The following C1orf94 variants were observed in gnomAD, a reference collection of about 807,000 sequenced individuals.
C1orf94 encodes the protein uncharacterized protein C1orf94.
C1orf94 carries 45 observed loss-of-function variants against 53.6 expected under a neutral mutation model. That is an observed-to-expected ratio of 0.84 (90% CI 0.66 to 1.08). The LOEUF is 1.08. C1orf94 is among the 50% of genes least tolerant of loss of function. The pLI is 0.00. For synonymous variants in C1orf94, 304 were observed against 296.1 expected (o/e 1.03, Z -0.27); for missense variants, 762 against 738.9 (o/e 1.03, Z -0.36).
chr1:34,177,428 G>C lies in C1orf94; in HGVS notation c.-362G>C, dbSNP rs865806793. Among the ~76,000 whole-genome samples, 2 of 152,278 alleles carry C rather than the reference G, an allele frequency of 1.3e-5. No homozygotes were observed. Among genetic ancestry groups the C allele is most frequent in the Middle Eastern group, 3.4e-3 (1 of 294 alleles). Reference sequence around the variant, plus strand: ...AAAGTTGTCACGGCGGCGTCGCAAGGGGGCAGTGCCAGGGACTGTGGGGAG... The same window carrying C: ...AAAGTTGTCACGGCGGCGTCGCAAGCGGGCAGTGCCAGGGACTGTGGGGAG... On this transcript the variant is annotated 5_prime_UTR_variant, in exon 1 of 7. Coordinates refer to ENST00000488417, the MANE Select transcript of C1orf94 (RefSeq NM_001134734.2).
rs202207825 is a variant in C1orf94, at chr1:34,197,544, G to A, written c.640G>A (p.Ala214Thr). The A allele has an allele frequency of 4.3e-5, 70 of 1,613,950 alleles. No homozygotes were observed. The highest frequency in any genetic ancestry group is 1.6e-4 in the Middle Eastern group (1 of 6,084). Residue 214 changes from alanine to threonine, a missense_variant, in exon 2 of 7, where the codon GCC (alanine) becomes ACC (threonine). Ala to Thr is a moderately conservative substitution (Grantham distance 58). Transcript: ENST00000488417. The surrounding 1 kb of genome is among the most constrained non-coding windows in gnomAD (Gnocchi z 4.1). ...TSTVTDILCA[A>T]EVKSSKGTED... ...TACTGTCACAGACATTCTGTGTGCC[G>A]CCGAGGTCAAGAGCAGCAAGGGGAC... is the stretch of plus-strand genomic sequence containing the variant.
intron 2 of C1orf94, among the ~76,000 whole-genome samples, chr1:34,200,042 T>G (rs567028550): frequency 6.6e-6 from 1 of 152,326 alleles, no homozygotes; most frequent in East Asian, 1.9e-4. Context: ...ATGTCTCTCT[T>G]TTTTTCTTGT....
chr1:34,211,971 A>G (rs1331014979), intron 5 of C1orf94, among the ~76,000 whole-genome samples: 1 of 152,110 alleles, frequency 6.6e-6, no homozygotes, highest in South Asian at 2.1e-4. Flanking sequence ...ATCCCCACTA[A>G]CAACGTAGAT....
At chr1:34,194,206 T>C (rs1395481098) in intron 1 of C1orf94, among the ~76,000 whole-genome samples, 1 of 152,258 alleles carries the variant, frequency 6.6e-6, no homozygotes, top group African/African-American at 2.4e-5. Flanking sequence ...ATAATAATTA[T>C]GCTGTGAGCA....
intron 5 of C1orf94, among the ~76,000 whole-genome samples, chr1:34,208,943 G>C (rs1200810273): frequency 6.6e-6 from 1 of 152,084 alleles, no homozygotes; most frequent in African/African-American, 2.4e-5. Context: ...TTCCCACGCA[G>C]GGTTGCCAGT....
Position 34,200,878 on chromosome 1 carries a change from CGCAGTGG to C in C1orf94, c.1120_1126del (p.Val374ProfsTer4), listed in dbSNP as rs1439017695. On this transcript the variant is annotated frameshift_variant, in exon 3 of 7. Transcript: ENST00000488417. LOFTEE classifies it high-confidence loss of function. ...CCTGTGGTGAGGAGGGTTGCTGTGA[CGCAGTGG>C]GCACCGCATCACTGACCCTGCCGCC... is the stretch of plus-strand genomic sequence containing the variant. 1 of 1,614,124 alleles carries C rather than the reference CGCAGTGG, an allele frequency of 6.2e-7. No individual in the cohort carries two copies. The highest frequency in any genetic ancestry group is 1.3e-5 in the African/African-American group (1 of 75,018).
At chr1:34,183,060 G>T (rs1162644776) in intron 1 of C1orf94, among the ~76,000 whole-genome samples, 1 of 152,150 alleles carries the variant, frequency 6.6e-6, no homozygotes, top group Non-Finnish European at 1.5e-5. Flanking sequence ...CAAGTTTCAA[G>T]CTTTCAAAAT....
intron 1 of C1orf94, among the ~76,000 whole-genome samples, chr1:34,185,770 A>G (rs541671834): frequency 2.6e-5 from 4 of 152,314 alleles, no homozygotes; most frequent in Admixed American, 2.6e-4. Context: ...AAGCAGGTCA[A>G]CAGCACTGCT....
chr1:34,199,802 A>AATGAC (rs554578900), intron 2 of C1orf94, among the ~76,000 whole-genome samples: 2,354 of 152,314 alleles, frequency 0.015, 26 homozygotes, highest in Non-Finnish European at 0.025. Context: ...CTCTAGCCAT[A>AATGAC]TCCAGTGACT....
At chr1:34,178,381 A>C (rs1642261961) in intron 1 of C1orf94, among the ~76,000 whole-genome samples, 1 of 152,202 alleles carries the variant, frequency 6.6e-6, no homozygotes, top group African/African-American at 2.4e-5. Context: ...TGTGAATCTG[A>C]GGTCCTTGAA....
At chr1:34,186,739 T>G (rs964913746) in intron 1 of C1orf94, among the ~76,000 whole-genome samples, 2 of 152,200 alleles carry the variant, frequency 1.3e-5, no homozygotes, top group Non-Finnish European at 2.9e-5. Context: ...CACAGCCCCT[T>G]AATCGGGGCT....
chr1:34,180,358 A>G (rs1571335580), intron 1 of C1orf94, among the ~76,000 whole-genome samples: 1 of 152,362 alleles, frequency 6.6e-6, no homozygotes, highest in South Asian at 2.1e-4. Context: ...AAATTTTCAA[A>G]CACATAGAAT....
chr1:34,192,720 G>T (rs1677750), intron 1 of C1orf94, among the ~76,000 whole-genome samples: 20,146 of 152,134 alleles, frequency 0.13, 1,887 homozygotes, highest in African/African-American at 0.27. Context: ...AAAATAGGCA[G>T]GAAAGGCTAC....
At chr1:34,182,166 G>T (rs930473514) in intron 1 of C1orf94, among the ~76,000 whole-genome samples, 2 of 152,206 alleles carry the variant, frequency 1.3e-5, no homozygotes, top group African/African-American at 4.8e-5. Flanking sequence ...CTGCACTCCA[G>T]CCTGGGCGAC....
In C1orf94 at chr1:34,208,226, T is replaced by C. The variant is rs1396215408; in HGVS notation, c.1516T>C (p.Ser506Pro). 6.2e-7 allele frequency: 1 copy of C among 1,613,780 alleles called. No homozygotes were observed. Among genetic ancestry groups the C allele is most frequent in the Admixed American group, 1.7e-5 (1 of 59,984 alleles). The change falls in exon 5 of 7, where the codon TCC becomes CCC. Residue 506 changes from serine (S) to proline (P), a missense_variant. Ser to Pro is a moderately conservative substitution (Grantham distance 74). Coordinates refer to ENST00000488417, the MANE Select transcript of C1orf94 (RefSeq NM_001134734.2). The stretch of plus-strand genomic sequence containing the variant: ...TTTGCACCCGCAGCTGGGATGTTAC[T>C]CCCAACAGGTGAGTAGACGATCTCT... ...QALHPQLGCYSQQVMPYNPQQ... is the reference protein window; with the variant it reads ...QALHPQLGCYPQQVMPYNPQQ...
intron 5 of C1orf94, among the ~76,000 whole-genome samples, chr1:34,210,830 T>A (rs1174979365): frequency 6.6e-6 from 1 of 152,132 alleles, no homozygotes; most frequent in East Asian, 1.9e-4. Context: ...AATTGTTGTA[T>A]TTTTGGTAGA....
Position 34,203,814 on chromosome 1 carries a change from C to T in C1orf94, c.1446+1555C>T, listed in dbSNP as rs138502560. Among the ~76,000 whole-genome samples the T allele has an allele frequency of 5.3e-3, 800 of 152,278 alleles. 5 individuals are homozygous for T. The highest frequency in any genetic ancestry group is 0.018 in the African/African-American group (758 of 41,544). ...TAACTTAATATCCCTTAAGAGCTGC[C>T]GCCCACTGGGTAGAAGGAGGGAAAA... On this transcript the variant is annotated intron_variant, in intron 4 of 6. Transcript: ENST00000488417.
At chr1:34,175,892 G>A (rs531001720), upstream of C1orf94, among the ~76,000 whole-genome samples, 45 of 151,726 alleles carry the variant, frequency 3.0e-4, no homozygotes, top group African/African-American at 1.1e-3. Context: ...AAGTAATTGT[G>A]GTTTTTGCCA....
In C1orf94 at chr1:34,177,138, C is replaced by A. The variant is rs112266109; in HGVS notation, c.-652C>A. 8.4e-3 allele frequency among the ~76,000 whole-genome samples: 1,281 copies of A among 152,330 alleles called. 20 individuals are homozygous for A. The highest frequency in any genetic ancestry group is 0.028 in the African/African-American group (1,172 of 41,570). ...GGGGACTAAGGGCTGTGGGCCCATC[C>A]ACACACGCCTCATCCCTTCTTTCCG... On this transcript the variant is annotated 5_prime_UTR_variant, in exon 1 of 7. Transcript: ENST00000488417.
Sources: gnomAD v4.1 joint callset for allele counts (sites outside exome capture counted in the v4.1 genomes callset) on GRCh38, gnomAD v4.1.1 for gene constraint, Gnocchi (gnomAD v3.1) non-coding constraint, MANE v1.5 for transcripts, NCBI Gene and HGNC (gene_info 2026-07-23, HGNC 2026-07-21) for gene names.